The following GPR39 variants were observed in gnomAD, a reference collection of about 807,000 sequenced individuals.
GPR39 encodes the protein G protein-coupled receptor 39, also known as zinc sensing receptor.
In GPR39, 23 loss-of-function variants were observed where a neutral mutation model predicts 18.4. The ratio of observed to expected loss-of-function variants is 1.25; its 90% CI spans 0.90 to 1.77. GPR39 has a LOEUF of 1.77. Among genes scored for constraint, GPR39 ranks in the 40% most tolerant of loss-of-function variants. GPR39 has a pLI of 0.00. For missense variants in GPR39, 647 were observed against 602.4 expected (o/e 1.07, Z -0.78); for synonymous variants, 280 against 257.9 (o/e 1.09, Z -0.82).
At chr2:132,509,339 A>C (rs1679196256) in intron 1 of GPR39, among the ~76,000 whole-genome samples, 1 of 152,186 alleles carries the variant, frequency 6.6e-6, no homozygotes, top group Admixed American at 6.5e-5. Context: ...CAAAATCTCT[A>C]AATACTGCTT....
At chr2:132,443,205 A>G (rs1169197931) in intron 1 of GPR39, among the ~76,000 whole-genome samples, 1 of 152,204 alleles carries the variant, frequency 6.6e-6, no homozygotes, top group Non-Finnish European at 1.5e-5. Context: ...AACATTAGCA[A>G]TTTTGCTGAA....
At chr2:132,626,133 T>A (rs530633309) in intron 1 of GPR39, among the ~76,000 whole-genome samples, 10 of 151,316 alleles carry the variant, frequency 6.6e-5, no homozygotes, top group African/African-American at 2.4e-4. Context: ...AAAAGTAGCC[T>A]AAAATGGTTA....
rs1292203525 is a variant in GPR39, at chr2:132,417,627, C to CA, written c.586dup (p.Thr196AsnfsTer211). 2 of 1,613,974 alleles carry CA rather than the reference C, an allele frequency of 1.2e-6. No homozygotes were observed. The highest frequency in any genetic ancestry group is 1.7e-5 in the Admixed American group (1 of 60,002). On this transcript the variant is annotated frameshift_variant, in exon 1 of 2. Transcript: ENST00000329321. LOFTEE classifies it high-confidence loss of function. ...GGGGTCTCACTTGCAACCGCTCCAG[C>CA]ACCCGCCACCACGAGCAGCCCGAGA... is the stretch of plus-strand genomic sequence containing the variant.
chr2:132,559,713 G>A (rs1050227294), intron 1 of GPR39, among the ~76,000 whole-genome samples: 8 of 152,052 alleles, frequency 5.3e-5, no homozygotes, highest in Non-Finnish European at 7.3e-5. Context: ...ATTTCGCAGC[G>A]TAGTCAGAAG....
chr2:132,582,757 C>T (rs1680647581), intron 1 of GPR39, among the ~76,000 whole-genome samples: 1 of 152,154 alleles, frequency 6.6e-6, no homozygotes, highest in African/African-American at 2.4e-5. Context: ...AAACCAGCCT[C>T]ACCCTCCTTC....
At chr2:132,564,714 C>T (rs1194940572) in intron 1 of GPR39, among the ~76,000 whole-genome samples, 1 of 150,676 alleles carries the variant, frequency 6.6e-6, no homozygotes, top group African/African-American at 2.4e-5. Context: ...AGGGCATAAT[C>T]TTCAAAATTT....
At chr2:132,546,681 A>G (rs1462757604) in intron 1 of GPR39, among the ~76,000 whole-genome samples, 1 of 151,516 alleles carries the variant, frequency 6.6e-6, no homozygotes, top group Non-Finnish European at 1.5e-5. Flanking sequence ...TCTGCCTATA[A>G]AATAGAAAAC....
chr2:132,522,203 T>C (rs1679437903), intron 1 of GPR39, among the ~76,000 whole-genome samples: 1 of 152,182 alleles, frequency 6.6e-6, no homozygotes, highest in African/African-American at 2.4e-5. Flanking sequence ...ATCCCCTTCT[T>C]GAGGGGAGAT....
At chr2:132,617,628 A>G (rs1681360474) in intron 1 of GPR39, among the ~76,000 whole-genome samples, 2 of 152,084 alleles carry the variant, frequency 1.3e-5, no homozygotes, top group South Asian at 4.1e-4. Flanking sequence ...TGTTGGGTAA[A>G]TTAGACATTT....
At chr2:132,591,278 C>CA (rs1325880889) in intron 1 of GPR39, among the ~76,000 whole-genome samples, 6 of 41,118 alleles carry the variant, frequency 1.5e-4, no homozygotes, top group African/African-American at 2.5e-4. Flanking sequence ...AAAAAAAAAA[C>CA]AAAAAAAAAC....
intron 1 of GPR39, among the ~76,000 whole-genome samples, chr2:132,493,634 A>G (rs1307682608): frequency 1.3e-5 from 2 of 151,476 alleles, no homozygotes; most frequent in African/African-American, 2.4e-5. Flanking sequence ...ATGTGCAGTT[A>G]GGTAGATGGT....
At chr2:132,635,645 G>T (rs1211698720) in intron 1 of GPR39, among the ~76,000 whole-genome samples, 1 of 151,966 alleles carries the variant, frequency 6.6e-6, no homozygotes, top group African/African-American at 2.4e-5. Context: ...TGGGGGAGGG[G>T]GCCTAGCAGG....
intron 1 of GPR39, among the ~76,000 whole-genome samples, chr2:132,472,299 C>T (rs1573618752): frequency 6.6e-6 from 1 of 152,200 alleles, no homozygotes. Context: ...GTGAGCCCTT[C>T]TGTAGGTCCC....
At chr2:132,492,765 A>G (rs1681513637) in intron 1 of GPR39, among the ~76,000 whole-genome samples, 1 of 96,642 alleles carries the variant, frequency 1.0e-5, no homozygotes, top group African/African-American at 3.5e-5. Context: ...CCATATATAT[A>G]CATTCCATAT....
At chr2:132,432,861 T>C (rs940608141) in intron 1 of GPR39, among the ~76,000 whole-genome samples, 2 of 152,210 alleles carry the variant, frequency 1.3e-5, no homozygotes, top group Non-Finnish European at 2.9e-5. Context: ...TAAACTGGTC[T>C]AAGGTTGATT....
At chr2:132,606,715 A>G (rs1375402069) in intron 1 of GPR39, among the ~76,000 whole-genome samples, 1 of 152,170 alleles carries the variant, frequency 6.6e-6, no homozygotes, top group Non-Finnish European at 1.5e-5. Context: ...ATTAGATCAC[A>G]CGAGGGCTTA....
intron 1 of GPR39, among the ~76,000 whole-genome samples, chr2:132,442,430 A>G (rs985301207): frequency 1.3e-5 from 2 of 152,154 alleles, no homozygotes; most frequent in Non-Finnish European, 2.9e-5. Flanking sequence ...TGTAAAGAGC[A>G]CACAGATGCT....
At chr2:132,564,049 C>A (rs1217338312) in intron 1 of GPR39, among the ~76,000 whole-genome samples, 1 of 152,196 alleles carries the variant, frequency 6.6e-6, no homozygotes, top group Non-Finnish European at 1.5e-5. Flanking sequence ...TCTAACAGCC[C>A]ATTTCACCTT....
chr2:132,476,492 T>C (rs13421548), intron 1 of GPR39, among the ~76,000 whole-genome samples: 59,561 of 151,048 alleles, frequency 0.39, 15,015 homozygotes, highest in Non-Finnish European at 0.56. Flanking sequence ...AAAAATTAGC[T>C]GGGCGTGGTG....
Sources: gnomAD v4.1 joint callset for allele counts (sites outside exome capture counted in the v4.1 genomes callset) on GRCh38, gnomAD v4.1.1 for gene constraint, MANE v1.5 for transcripts, NCBI Gene and HGNC (gene_info 2026-07-23, HGNC 2026-07-21) for gene names.